FASN: variants seen among roughly 807,000 people sequenced by gnomAD.
The protein encoded by FASN is fatty acid synthase.
In FASN, 50 loss-of-function variants were observed where a neutral mutation model predicts 250.0. That is an observed-to-expected ratio of 0.20 (90% CI 0.16 to 0.25). The LOEUF (loss-of-function observed/expected upper bound fraction) is 0.25, where lower values mean the gene tolerates loss of function less well. Ranked by LOEUF, FASN falls within the 10% of genes least tolerant of loss-of-function variation. FASN has a pLI of 1.00. For missense variants in FASN, 3,031 were observed against 3,498.5 expected (o/e 0.87, Z 3.37); for synonymous variants, 1,909 against 1,584.0 (o/e 1.21, Z -4.87).
rs761723139 is a variant in FASN, at chr17:82,085,545, G to A, written c.4059C>T (p.Leu1353=). 1.6e-5 allele frequency: 26 copies of A among 1,595,834 alleles called. No homozygotes were observed. Among genetic ancestry groups the A allele is most frequent in the African/African-American group, 6.7e-5 (5 of 74,614 alleles). Residue 1353 remains leucine (L), a synonymous_variant, in exon 23 of 43, where the codon CTC becomes CTT. Transcript: ENST00000306749. ...LLHTLLRGHP[L]GDIVAFLTST... is the part of the protein sequence containing the mutation. ...AGGTGAGGAAGGCCACGATGTCCCC[G>A]AGGGGGTGCCCCCGGAGCAGTGTGT...
intron 39 of FASN, 33 bp from the exon 40 acceptor site, chr17:82,080,623 C>T (rs1033087735): frequency 2.6e-6 from 4 of 1,551,502 alleles, no homozygotes; most frequent in East Asian, 2.4e-5. Context: ...TCAGCATGTG[C>T]AGGCGGCAGC....
intron 16 of FASN, 33 bp from the exon 17 acceptor site, chr17:82,088,340 G>A: frequency 6.2e-7 from 1 of 1,610,108 alleles, no homozygotes; most frequent in Non-Finnish European, 8.5e-7. Context: ...GCACAGAGCG[G>A]GCGTCTGTGG....
chr17:82,096,058 G>A (rs1366322986), intron 2 of FASN, among the ~76,000 whole-genome samples: 1 of 152,244 alleles, frequency 6.6e-6, no homozygotes, highest in Non-Finnish European at 1.5e-5. Context: ...CAGCCATTGG[G>A]GGAGCCTCCT....
chr17:82,091,282 C>T lies in FASN; in HGVS notation c.1432G>A (p.Gly478Ser), dbSNP rs549257982. 2.9e-5 allele frequency: 46 copies of T among 1,607,660 alleles called. No homozygotes were observed. The African/African-American group carries it at 2.9e-4, about 10-fold the overall frequency. Residue 478 changes from glycine (G) to serine (S), a missense_variant, in exon 9 of 43, where the codon GGT becomes AGT. Gly to Ser is a moderately conservative substitution (Grantham distance 56). Coordinates refer to ENST00000306749, the MANE Select transcript of FASN (RefSeq NM_004104.5). The stretch of plus-strand genomic sequence containing the variant: ...GGCACCTGCTGCACCTCTGGGCCAC[C>T]GCGCTCACCACCCAGCACAGCGTAG... Reference protein sequence around the residue: ...RGYAVLGGERGGPEVQQVPAG... With the variant: ...RGYAVLGGERSGPEVQQVPAG...
At position 82,088,816 on chromosome 17, in the gene FASN, G is replaced by T. The variant is rs1384884525; in HGVS notation, c.2365C>A (p.His789Asn). ...AGGAAGAACTCCAGGTTGTCCCTGT[G>T]ATCCTTCTTCATCAGGGGGATGATG... ...CTIIPLMKKDHRDNLEFFLAG... is the reference protein window; with the variant it reads ...CTIIPLMKKDNRDNLEFFLAG... The change falls in exon 15 of 43, where the codon CAC becomes AAC. Residue 789 changes from histidine to asparagine, a missense_variant. Transcript: ENST00000306749. 12 of 1,612,584 alleles carry T rather than the reference G, an allele frequency of 7.4e-6. No individual in the cohort carries two copies. The East Asian group carries it at 2.7e-4, about 36-fold the overall frequency.
In FASN at chr17:82,082,420, G is replaced by A; in HGVS notation, c.5920-6C>T. 2 of 1,612,668 alleles carry A rather than the reference G, an allele frequency of 1.2e-6. No homozygotes were observed. The highest frequency in any genetic ancestry group is 1.7e-6 in the Non-Finnish European group (2 of 1,179,954). On this transcript the variant is annotated splice_region_variant and splice_polypyrimidine_tract_variant and intron_variant, in intron 34 of 42. Coordinates refer to ENST00000306749, the MANE Select transcript of FASN (RefSeq NM_004104.5). ...AGCAAGCCATCTCTCAAGACCTGGG[G>A]GAGGCATCCTCAGCACTCCCTGCAG...
chr17:82,079,904 C>T (rs1483307216), intron 41 of FASN: 1 of 629,092 alleles, frequency 1.6e-6, no homozygotes, highest in Non-Finnish European at 2.8e-6. Flanking sequence ...GAAGGGGTTT[C>T]TCCACGTTGG....
rs746606873 is a variant in FASN at position 82,088,421 on chromosome 17, T to A, written c.2562A>T (p.Ser854=). Residue 854 remains serine, a synonymous_variant, in exon 16 of 43, where the codon TCA becomes TCT. Transcript: ENST00000306749. ...TGTAGATGGCGGCTGAGGGGGAACC[T>A]GAACCGTTGGGGAAGTCCTCGGCGG... ...VPAAEDFPNG[S]GSPSAAIYNI... The A allele has an allele frequency of 1.2e-6, 2 of 1,612,112 alleles. No homozygotes were observed. Among genetic ancestry groups the A allele is most frequent in the Admixed American group, 3.3e-5 (2 of 59,996 alleles).
rs779792358 is a variant in FASN, at chr17:82,084,397, G to A, written c.4769-13C>T. 3.7e-6 allele frequency: 6 copies of A among 1,601,708 alleles called. No homozygotes were observed. In the East Asian group the frequency reaches 1.4e-4, roughly 36 times the overall value. On this transcript the variant is annotated splice_polypyrimidine_tract_variant and intron_variant, in intron 27 of 42. Transcript: ENST00000306749. ...GAGGTCCACTTCCCTGGGGGAGACGGCACTGAGCCCCTCACCGCCTGCCCT... is the reference window on the plus strand; with the variant it reads ...GAGGTCCACTTCCCTGGGGGAGACGACACTGAGCCCCTCACCGCCTGCCCT...
chr17:82,081,375 G>C, intron 37 of FASN, 23 bp from the exon 38 acceptor site: 1 of 1,559,266 alleles, frequency 6.4e-7, no homozygotes, highest in Non-Finnish European at 8.7e-7. Context: ...CGCCGGGTCG[G>C]CAACTCCAGA....
rs985600151 is a variant in FASN at position 82,078,723 on chromosome 17, T to A, written c.*420A>T. 1.9e-5 allele frequency: 5 copies of A among 263,634 alleles called. No individual in the cohort carries two copies. The highest frequency in any genetic ancestry group is 1.1e-4 in the African/African-American group (5 of 44,536). 16.3% of individuals were successfully genotyped at this position (263,634 alleles called of 1,614,324 possible). ...TGGCTGCCCGCGCCCGCAGGGGACA[T>A]CGGGGAAATGGGGGCAGAGTGCGGG... is the stretch of plus-strand genomic sequence containing the variant. On this transcript the variant is annotated 3_prime_UTR_variant, in exon 43 of 43. Coordinates refer to ENST00000306749, the MANE Select transcript of FASN (RefSeq NM_004104.5). This position sits in a 1 kb window ranked among gnomAD's most constrained non-coding sequence, Gnocchi z 5.4.
intron 12 of FASN, 114 bp from the exon 13 acceptor site, chr17:82,089,498 C>T: frequency 2.5e-6 from 4 of 1,585,886 alleles, no homozygotes; most frequent in Non-Finnish European, 3.4e-6. Flanking sequence ...GGGCAAGGGA[C>T]CTGAGGACAA....
rs368171697 is a variant in FASN, at chr17:82,091,245, C to T, written c.1469G>A (p.Arg490His). ...PEVQQVPAGE[R>H]PLWFICSGMG... ...ACCAGAGCAGATGAACCAGAGCGGG[C>T]GCTCGCCAGCGGGCACCTGCTGCAC... The change falls in exon 9 of 43, where the codon CGC becomes CAC. Residue 490 changes from arginine (R) to histidine (H), a missense_variant. By Grantham distance (29) the Arg-to-His change is conservative. Coordinates refer to ENST00000306749, the MANE Select transcript of FASN (RefSeq NM_004104.5). 9.3e-5 allele frequency: 148 copies of T among 1,599,264 alleles called. No homozygotes were observed. Among genetic ancestry groups the T allele is most frequent in the African/African-American group, 1.6e-4 (12 of 74,770 alleles).
At chr17:82,086,201 G>T in intron 22 of FASN, 53 bp downstream of exon 22, 1 of 1,535,070 alleles carries the variant, frequency 6.5e-7, no homozygotes, top group South Asian at 1.2e-5. Flanking sequence ...CTGATGTCAG[G>T]GTGGGTCCTA....
intron 2 of FASN, 111 bp from the exon 3 acceptor site, chr17:82,095,583 C>T (rs553010139): frequency 7.4e-7 from 1 of 1,359,156 alleles, no homozygotes; most frequent in East Asian, 2.4e-5. Flanking sequence ...GGACTCTCTG[C>T]TATGCCTGGG....
rs1336599054 is a variant in FASN, at chr17:82,083,787, G to A, written c.5203C>T (p.His1735Tyr). 1 of 1,611,662 alleles carries A rather than the reference G, an allele frequency of 6.2e-7. No individual in the cohort carries two copies. Among genetic ancestry groups the A allele is most frequent in the Non-Finnish European group, 8.5e-7 (1 of 1,179,710 alleles). Residue 1735 changes from histidine to tyrosine, a missense_variant, in exon 30 of 43, where the codon CAC becomes TAC. By Grantham distance (83) the His-to-Tyr change is moderately conservative. Coordinates refer to ENST00000306749, the MANE Select transcript of FASN (RefSeq NM_004104.5). ...GGCCACTCACCCTTCCCGCCCGTGTGCCACAGCACATGCTGCTCGAAGGAT... is the reference window on the plus strand; with the variant it reads ...GGCCACTCACCCTTCCCGCCCGTGTACCACAGCACATGCTGCTCGAAGGAT... Reference protein sequence around the residue: ...DTSFEQHVLWHTGGKGVDLVL... With the variant: ...DTSFEQHVLWYTGGKGVDLVL...
intron 28 of FASN, 39 bp downstream of exon 28, chr17:82,084,195 T>A: frequency 6.2e-7 from 1 of 1,609,252 alleles, no homozygotes; most frequent in South Asian, 1.1e-5. Context: ...CTGGCCGCCA[T>A]CCACGTGGGG....
chr17:82,096,724 G>A (rs2034311053), intron 1 of FASN: 1 of 491,786 alleles, frequency 2.0e-6, no homozygotes, highest in Non-Finnish European at 3.8e-6. Flanking sequence ...CCCCACTGGA[G>A]CCCTGCAGCC....
At chr17:82,083,912 G>A (rs750169937) in intron 29 of FASN, 21 bp from the exon 30 acceptor site, 143 of 1,555,634 alleles carry the variant, frequency 9.2e-5, no homozygotes, top group East Asian at 2.1e-4. Flanking sequence ...GAGGAAGCGC[G>A]GCTGGTGAGC....
Sources: gnomAD v4.1 joint callset for allele counts (sites outside exome capture counted in the v4.1 genomes callset) on GRCh38, gnomAD v4.1.1 for gene constraint, Gnocchi (gnomAD v3.1) non-coding constraint, MANE v1.5 for transcripts, NCBI Gene and HGNC (gene_info 2026-07-23, HGNC 2026-07-21) for gene names.